NCK2: variants seen among roughly 807,000 people sequenced by gnomAD.
NCK2 encodes cytoplasmic protein NCK2.
NCK2 carries 16 observed loss-of-function variants against 33.9 expected under a neutral mutation model. The observed-to-expected ratio is 0.47, with a 90% CI of 0.32 to 0.72. The LOEUF is 0.72. Ranked by LOEUF, NCK2 falls within the 30% of genes least tolerant of loss-of-function variation. The pLI, the probability that NCK2 is intolerant of heterozygous loss-of-function variation, is 0.03. For synonymous variants in NCK2, 273 were observed against 239.9 expected (o/e 1.14, Z -1.27); for missense variants, 418 against 537.3 (o/e 0.78, Z 2.19).
intron 1 of NCK2, among the ~76,000 whole-genome samples, chr2:105,770,686 A>T (rs1206890229): frequency 6.6e-6 from 1 of 152,204 alleles, no homozygotes; most frequent in East Asian, 1.9e-4. Flanking sequence ...TAGGATATGG[A>T]TATCGATATT....
chr2:105,809,411 G>A (rs1675208316), intron 1 of NCK2, among the ~76,000 whole-genome samples: 1 of 152,162 alleles, frequency 6.6e-6, no homozygotes, highest in African/African-American at 2.4e-5. Flanking sequence ...CAGCAGGGTT[G>A]GTTTCTTCTG....
At chr2:105,891,880 TG>T (rs1679003082) in intron 4 of NCK2, among the ~76,000 whole-genome samples, 1 of 152,138 alleles carries the variant, frequency 6.6e-6, no homozygotes, top group Non-Finnish European at 1.5e-5. Flanking sequence ...AATAATGACA[TG>T]TTTCTAAAAT....
At chr2:105,859,746 G>A (rs933288122) in intron 3 of NCK2, among the ~76,000 whole-genome samples, 2 of 152,170 alleles carry the variant, frequency 1.3e-5, no homozygotes, top group South Asian at 2.1e-4. Flanking sequence ...GGATTGTTAC[G>A]TAAGATCCAA....
chr2:105,849,661 G>C (rs1435852683), intron 2 of NCK2, among the ~76,000 whole-genome samples: 1 of 152,142 alleles, frequency 6.6e-6, no homozygotes, highest in Non-Finnish European at 1.5e-5. Flanking sequence ...AGGGCTAGGA[G>C]AGTGACACTT....
intron 1 of NCK2, among the ~76,000 whole-genome samples, chr2:105,801,599 T>C (rs1265891725): frequency 6.6e-6 from 1 of 151,906 alleles, no homozygotes; most frequent in Non-Finnish European, 1.5e-5. Context: ...AGGGATGGTC[T>C]GACCTGCATC....
At chr2:105,761,732 G>C (rs941628350) in intron 1 of NCK2, among the ~76,000 whole-genome samples, 5 of 152,050 alleles carry the variant, frequency 3.3e-5, no homozygotes, top group African/African-American at 1.2e-4. Context: ...ACAAAAAAAT[G>C]AGCTGGGTAT....
intron 3 of NCK2, among the ~76,000 whole-genome samples, chr2:105,878,740 C>T (rs573403062): frequency 1.2e-4 from 18 of 152,332 alleles, no homozygotes; most frequent in Middle Eastern, 3.4e-3. Context: ...GAGCATGCAG[C>T]TCTCTGTCAG....
At chr2:105,751,079 T>C (rs1339148021) in intron 1 of NCK2, among the ~76,000 whole-genome samples, 2 of 152,228 alleles carry the variant, frequency 1.3e-5, no homozygotes, top group African/African-American at 4.8e-5. Flanking sequence ...TAGCTCCAGA[T>C]CTGTATGTTC....
Position 105,881,462 on chromosome 2 carries a change from G to T in NCK2, c.361G>T (p.Ala121Ser), listed in dbSNP as rs749536605. The change falls in exon 4 of 5, where the codon GCC becomes TCC. Residue 121 changes from alanine (A) to serine (S), a missense_variant. Transcript: ENST00000233154. ...DLNIPAFVKF[A>S]YVAEREDELS... ...CAACATCCCGGCCTTCGTCAAGTTCGCCTATGTGGCCGAGCGGGAGGATGA... is the reference window on the plus strand; with the variant it reads ...CAACATCCCGGCCTTCGTCAAGTTCTCCTATGTGGCCGAGCGGGAGGATGA... The T allele has an allele frequency of 2.5e-6, 4 of 1,613,826 alleles. No homozygotes were observed. In the South Asian group the frequency reaches 3.3e-5, roughly 13 times the overall value.
At chr2:105,834,755 A>T (rs2104531563) in intron 2 of NCK2, among the ~76,000 whole-genome samples, 1 of 151,990 alleles carries the variant, frequency 6.6e-6, no homozygotes, top group African/African-American at 2.4e-5. Context: ...GTAGCCTTGA[A>T]CTGTTGGGTT....
chr2:105,763,208 C>A (rs1689823684), intron 1 of NCK2, among the ~76,000 whole-genome samples: 1 of 151,942 alleles, frequency 6.6e-6, no homozygotes, highest in Admixed American at 6.6e-5. Context: ...CCAAAAAAAA[C>A]AAAACAAAAG....
intron 3 of NCK2, among the ~76,000 whole-genome samples, chr2:105,864,828 T>TACACACACACAC (rs10524426): frequency 2.4e-3 from 345 of 144,446 alleles, no homozygotes; most frequent in African/African-American, 8.4e-3. Flanking sequence ...CATGTGCATG[T>TACACACACACAC]ACACACACAC....
intron 1 of NCK2, among the ~76,000 whole-genome samples, chr2:105,771,071 C>T (rs964693767): frequency 4.6e-5 from 7 of 151,888 alleles, no homozygotes; most frequent in African/African-American, 1.2e-4. Context: ...TACAGGCGCC[C>T]GCCACCATGC....
intron 2 of NCK2, among the ~76,000 whole-genome samples, chr2:105,832,982 C>G (rs1335094243): frequency 2.3e-5 from 3 of 132,292 alleles, no homozygotes; most frequent in African/African-American, 8.5e-5. Context: ...CAGTCCTGGT[C>G]TTTTCTTTGT....
rs555974955 is a variant in NCK2 at position 105,866,510 on chromosome 2, G to A, written c.226+11221G>A. On this transcript the variant is annotated intron_variant, in intron 3 of 4. Coordinates refer to ENST00000233154, the MANE Select transcript of NCK2 (RefSeq NM_003581.5). ...GGCAGGAGGTGGGGGCGATGGTTTC[G>A]GGATGAAACTGTTCCACCTCAGATC... 5.3e-5 allele frequency among the ~76,000 whole-genome samples: 8 copies of A among 152,272 alleles called. No individual in the cohort carries two copies. The South Asian group carries it at 1.2e-3, about 24-fold the overall frequency.
Position 105,776,586 on chromosome 2 carries a change from C to T in NCK2, c.-201+31448C>T, listed in dbSNP as rs138671182. 7.4e-3 allele frequency among the ~76,000 whole-genome samples: 1,123 copies of T among 152,268 alleles called. 14 individuals carry two copies. The highest frequency in any genetic ancestry group is 0.026 in the African/African-American group (1,074 of 41,536). ...CAGGGGACCTCTATGACATTTTGAG[C>T]ATGATCAGAAAAAGGAACTTGTGGA... On this transcript the variant is annotated intron_variant, in intron 1 of 4. Coordinates refer to ENST00000233154, the MANE Select transcript of NCK2 (RefSeq NM_003581.5).
At chr2:105,811,957 A>G (rs1013488371) in intron 1 of NCK2, among the ~76,000 whole-genome samples, 4 of 152,120 alleles carry the variant, frequency 2.6e-5, no homozygotes, top group African/African-American at 9.7e-5. Context: ...CTTAAACTCT[A>G]ATCAGTCACT....
chr2:105,820,741 G>T (rs770222731), intron 2 of NCK2, among the ~76,000 whole-genome samples: 2 of 152,194 alleles, frequency 1.3e-5, no homozygotes, highest in Non-Finnish European at 2.9e-5. Context: ...AGATGCAAAG[G>T]GCCTTGTCTG....
At chr2:105,752,529 A>G (rs1689483706) in intron 1 of NCK2, among the ~76,000 whole-genome samples, 1 of 152,176 alleles carries the variant, frequency 6.6e-6, no homozygotes, top group African/African-American at 2.4e-5. Context: ...TGTGTTCAGC[A>G]CCATAGGAAA....
Sources: allele counts gnomAD v4.1 joint callset (sites outside exome capture counted in the v4.1 genomes callset), GRCh38; gene constraint gnomAD v4.1.1; transcripts MANE v1.5; gene names NCBI Gene and HGNC (gene_info 2026-07-23, HGNC 2026-07-21).